The following MAD1L1 variants were observed in gnomAD, a reference collection of about 807,000 sequenced individuals.
MAD1L1 encodes the protein mitotic spindle assembly checkpoint protein MAD1.
Under a neutral mutation model 96.9 loss-of-function variants are expected in MAD1L1, and 95 were observed. That is an observed-to-expected ratio of 0.98 (90% confidence interval 0.83 to 1.16). MAD1L1 has a LOEUF of 1.16. Among genes scored for constraint, MAD1L1 ranks in the 50% most tolerant of loss-of-function variants. The probability of loss-of-function intolerance (pLI) is 0.00; values close to 1 mark genes in which losing one functional copy is unlikely to be tolerated. For missense variants in MAD1L1, 1,007 were observed against 954.4 expected (o/e 1.06, Z -0.73); for synonymous variants, 473 against 396.6 (o/e 1.19, Z -2.29).
rs559270475 is a variant in MAD1L1, at chr7:2,107,095, G to A, written c.1074-37757C>T. ...CAGCACCTGGCTGCCTGGGACAGCCGGAGGGCCTGAGGATGGCAGCGCACC... is the reference window on the plus strand; with the variant it reads ...CAGCACCTGGCTGCCTGGGACAGCCAGAGGGCCTGAGGATGGCAGCGCACC... On this transcript the variant is annotated intron_variant, in intron 11 of 18. Transcript: ENST00000265854. Among the ~76,000 whole-genome samples the A allele has an allele frequency of 1.2e-4, 19 of 152,358 alleles. No homozygotes were observed. The East Asian group carries it at 1.9e-3, about 15-fold the overall frequency.
chr7:1,963,556 G>A (rs755904237), intron 15 of MAD1L1, among the ~76,000 whole-genome samples: 3 of 152,184 alleles, frequency 2.0e-5, no homozygotes, highest in Non-Finnish European at 4.4e-5. Context: ...TTGACATCGC[G>A]CAGCTTACTG....
chr7:2,169,462 G>C (rs1562750425), intron 10 of MAD1L1, among the ~76,000 whole-genome samples: 1 of 150,364 alleles, frequency 6.7e-6, no homozygotes, highest in African/African-American at 2.4e-5. Context: ...TCTTTACTTG[G>C]AAAAAAAAAA....
intron 10 of MAD1L1, among the ~76,000 whole-genome samples, chr7:2,155,491 C>T (rs1789785996): frequency 6.6e-6 from 1 of 152,180 alleles, no homozygotes; most frequent in African/African-American, 2.4e-5. Flanking sequence ...GCTCCCAGCC[C>T]CAGCCACCTC....
At chr7:1,890,488 A>C (rs915377561) in intron 18 of MAD1L1, among the ~76,000 whole-genome samples, 1 of 152,234 alleles carries the variant, frequency 6.6e-6, no homozygotes, top group Admixed American at 6.5e-5. Flanking sequence ...TGAGACCCTC[A>C]CCAGGTGCAC....
intron 11 of MAD1L1, among the ~76,000 whole-genome samples, chr7:2,135,018 G>T (rs1788685308): frequency 6.6e-6 from 1 of 152,178 alleles, no homozygotes; most frequent in African/African-American, 2.4e-5. Flanking sequence ...AATGACTGAC[G>T]TTCATTAATG....
chr7:2,126,008 C>G (rs1443121729), intron 11 of MAD1L1, among the ~76,000 whole-genome samples: 2 of 152,150 alleles, frequency 1.3e-5, no homozygotes, highest in Non-Finnish European at 2.9e-5. Context: ...GGAGAGGGGT[C>G]ATCTTCCATG....
intron 15 of MAD1L1, among the ~76,000 whole-genome samples, chr7:1,970,536 G>T (rs1583953308): frequency 6.6e-6 from 1 of 152,218 alleles, no homozygotes; most frequent in African/African-American, 2.4e-5. Context: ...GTTTCGCTAT[G>T]TTGGCCAGGC....
chr7:2,044,035 G>A (rs1314960594), intron 12 of MAD1L1, among the ~76,000 whole-genome samples: 1 of 152,238 alleles, frequency 6.6e-6, no homozygotes, highest in Non-Finnish European at 1.5e-5. Flanking sequence ...CCACAGCAAA[G>A]GCCTGATGGA....
At chr7:2,176,327 G>T (rs1790944982) in intron 10 of MAD1L1, among the ~76,000 whole-genome samples, 1 of 152,176 alleles carries the variant, frequency 6.6e-6, no homozygotes, top group African/African-American at 2.4e-5. Context: ...CAGACTGGGT[G>T]AAGAGTGAGA....
At chr7:2,003,391 T>C (rs1437880372) in intron 13 of MAD1L1, among the ~76,000 whole-genome samples, 2 of 152,078 alleles carry the variant, frequency 1.3e-5, no homozygotes, top group East Asian at 3.9e-4. Context: ...GGACACAGCC[T>C]GGGGAAAGTG....
At chr7:2,013,797 AAGTGTGGATGGGG>A (rs1782408691) in intron 13 of MAD1L1, among the ~76,000 whole-genome samples, 1 of 150,198 alleles carries the variant, frequency 6.7e-6, no homozygotes, top group South Asian at 2.1e-4. Context: ...TGTAGATGAG[AAGTGTGGATGGGG>A]AGTGTGGACG....
chr7:1,920,971 CTG>C (rs1177841001), intron 17 of MAD1L1, among the ~76,000 whole-genome samples: 6 of 152,240 alleles, frequency 3.9e-5, no homozygotes, highest in African/African-American at 1.4e-4. Flanking sequence ...AAGCTCGGCT[CTG>C]AGCCCTGGAG....
At chr7:2,011,221 G>A (rs1030800947) in intron 13 of MAD1L1, among the ~76,000 whole-genome samples, 3 of 152,018 alleles carry the variant, frequency 2.0e-5, no homozygotes, top group Non-Finnish European at 2.9e-5. Flanking sequence ...GGTCTCCAGA[G>A]CAGCCCCTTG....
At chr7:1,945,759 C>T (rs1001900133) in intron 16 of MAD1L1, among the ~76,000 whole-genome samples, 3 of 152,220 alleles carry the variant, frequency 2.0e-5, no homozygotes, top group African/African-American at 7.2e-5. Context: ...GGCGCTGGGC[C>T]GCAGACCGGG....
In MAD1L1 at chr7:1,873,699, C is replaced by T. The variant is rs555270094; in HGVS notation, c.1998+24501G>A. ...CCCGACCACCATGGGGGAGTGGGCA[C>T]CCCGGGTGCAGGATGTGCCCTGACA... On this transcript the variant is annotated intron_variant, in intron 18 of 18. Transcript: ENST00000265854. Among the ~76,000 whole-genome samples, 294 of 152,222 alleles carry T rather than the reference C, an allele frequency of 1.9e-3. 1 individual carries two copies. The highest frequency in any genetic ancestry group is 6.6e-3 in the African/African-American group (275 of 41,514).
chr7:1,962,046 C>T (rs1779975052), intron 15 of MAD1L1, among the ~76,000 whole-genome samples: 1 of 151,160 alleles, frequency 6.6e-6, no homozygotes, highest in Non-Finnish European at 1.5e-5. Flanking sequence ...AGGGCGGTTT[C>T]CCCCATACCG....
intron 15 of MAD1L1, among the ~76,000 whole-genome samples, chr7:1,977,969 G>A (rs1001547429): frequency 3.9e-5 from 6 of 152,232 alleles, no homozygotes; most frequent in South Asian, 2.1e-4. Context: ...GGAGGACAAC[G>A]GTGGAGACCA....
At chr7:1,860,114 G>C (rs1377369363) in intron 18 of MAD1L1, among the ~76,000 whole-genome samples, 13 of 141,504 alleles carry the variant, frequency 9.2e-5, no homozygotes, top group Non-Finnish European at 1.5e-4. Context: ...GGCGGCCTCT[G>C]TGTCCCTAGA....
chr7:2,213,341 T>G (rs1042044718), intron 9 of MAD1L1, 68 bp from the exon 10 acceptor site: 8 of 1,445,270 alleles, frequency 5.5e-6, no homozygotes, highest in Non-Finnish European at 6.8e-6. Context: ...AGACTGACAA[T>G]CATGATCACG....
Sources: gnomAD v4.1 joint callset for allele counts (sites outside exome capture counted in the v4.1 genomes callset) on GRCh38, gnomAD v4.1.1 for gene constraint, MANE v1.5 for transcripts, NCBI Gene and HGNC (gene_info 2026-07-23, HGNC 2026-07-21) for gene names.